Variants in CTNNA2 observed in about 807,000 individuals in gnomAD.
CTNNA2 encodes the protein catenin alpha 2, also known as catenin alpha-2.
In CTNNA2, 42 loss-of-function variants were observed where a neutral mutation model predicts 101.0. That is an observed-to-expected ratio of 0.42 (90% CI 0.32 to 0.54). The LOEUF (loss-of-function observed/expected upper bound fraction) is 0.54. CTNNA2 is among the 20% of genes least tolerant of loss of function. CTNNA2 has a pLI of 0.14. For missense variants in CTNNA2, 871 were observed against 1,223.1 expected, an observed-to-expected ratio of 0.71 and a Z score of 4.29; for synonymous variants, 450 against 456.4, an observed-to-expected ratio of 0.99 and a Z score of 0.18.
At chr2:79,597,837 T>C (rs1677301468) in intron 1 of CTNNA2, among the ~76,000 whole-genome samples, 1 of 152,160 alleles carries the variant, frequency 6.6e-6, no homozygotes, top group Non-Finnish European at 1.5e-5. Flanking sequence ...TGATGGTGTG[T>C]ATTCTATGTA....
At chr2:80,001,405 G>T (rs1368723742) in intron 7 of CTNNA2, among the ~76,000 whole-genome samples, 1 of 152,056 alleles carries the variant, frequency 6.6e-6, no homozygotes, top group Non-Finnish European at 1.5e-5. Context: ...TGTGGCCAAT[G>T]ATTTTGTACA....
chr2:80,645,039 G>GACTCAC (rs1182069246), intron 18 of CTNNA2, among the ~76,000 whole-genome samples: 1 of 152,090 alleles, frequency 6.6e-6, no homozygotes, highest in East Asian at 1.9e-4. Context: ...ATTCTCCCAA[G>GACTCAC]ACTCACTCTT....
At chr2:80,409,294 G>GT (rs1679347264) in intron 8 of CTNNA2, among the ~76,000 whole-genome samples, 1 of 151,088 alleles carries the variant, frequency 6.6e-6, no homozygotes, top group Non-Finnish European at 1.5e-5. Flanking sequence ...GAATCTTTAA[G>GT]TAATAAAAAA....
intron 9 of CTNNA2, among the ~76,000 whole-genome samples, chr2:80,477,394 T>C (rs1376686249): frequency 6.6e-6 from 1 of 152,154 alleles, no homozygotes; most frequent in Non-Finnish European, 1.5e-5. Flanking sequence ...TGGGTACAAG[T>C]CATTTTTCAT....
chr2:80,312,315 G>C (rs1330485007), intron 7 of CTNNA2, among the ~76,000 whole-genome samples: 1 of 152,142 alleles, frequency 6.6e-6, no homozygotes, highest in Non-Finnish European at 1.5e-5. Context: ...AATTCTGATG[G>C]GCTATTTAAA....
At chr2:79,254,917 G>A (rs1449471454) in intron 2 of CTNNA2, among the ~76,000 whole-genome samples, 2 of 152,196 alleles carry the variant, frequency 1.3e-5, no homozygotes, top group African/African-American at 2.4e-5. Flanking sequence ...TACCAGCCTA[G>A]TAGAGTAGGG....
At chr2:79,344,984 G>T (rs1370108473) in intron 3 of CTNNA2, among the ~76,000 whole-genome samples, 1 of 150,014 alleles carries the variant, frequency 6.7e-6, no homozygotes, top group Non-Finnish European at 1.5e-5. Flanking sequence ...TAAATCCTTT[G>T]TACTTGTAGT....
At chr2:80,033,457 C>T (rs1161796222) in intron 7 of CTNNA2, among the ~76,000 whole-genome samples, 2 of 151,984 alleles carry the variant, frequency 1.3e-5, no homozygotes, top group African/African-American at 2.4e-5. Flanking sequence ...CCTGTAGGCC[C>T]AGCTACTCAG....
chr2:80,117,257 A>C (rs1701576232), intron 7 of CTNNA2, among the ~76,000 whole-genome samples: 1 of 152,050 alleles, frequency 6.6e-6, no homozygotes, highest in Non-Finnish European at 1.5e-5. Flanking sequence ...TAACACTCAG[A>C]CTGTAGTTCT....
intron 15 of CTNNA2, 130 bp from the exon 16 acceptor site, chr2:80,603,944 T>C (rs1411264990): frequency 1.6e-6 from 1 of 626,692 alleles, no homozygotes; most frequent in African/African-American, 1.9e-5. Context: ...CAGGAAAATA[T>C]TCAAAATTCG....
At chr2:80,587,245 T>C (rs1162560984) in intron 14 of CTNNA2, among the ~76,000 whole-genome samples, 1 of 152,114 alleles carries the variant, frequency 6.6e-6, no homozygotes, top group Non-Finnish European at 1.5e-5. Context: ...TACATAAGCC[T>C]CAGCACAGTA....
rs572298384 is a variant in CTNNA2, at chr2:79,926,182, T to G, written c.1056+16385T>G. 7.9e-5 allele frequency among the ~76,000 whole-genome samples: 12 copies of G among 152,260 alleles called. No individual in the cohort carries two copies. In the East Asian group the frequency reaches 1.9e-3, roughly 25 times the overall value. ...CCTAAGTTTCTCAGCAGTTCCTGGT[T>G]AAATATTCTACTCCACAGGGTTTCC... On this transcript the variant is annotated intron_variant, in intron 7 of 18. Coordinates refer to ENST00000402739, the MANE Select transcript of CTNNA2 (RefSeq NM_001282597.3).
chr2:79,453,663 A>G (rs753697234), intron 4 of CTNNA2, among the ~76,000 whole-genome samples: 1 of 152,134 alleles, frequency 6.6e-6, no homozygotes, highest in Non-Finnish European at 1.5e-5. Context: ...CAGTATATAT[A>G]TATTTTTCAG....
chr2:79,820,191 A>G (rs1677892359), intron 3 of CTNNA2, among the ~76,000 whole-genome samples: 2 of 152,214 alleles, frequency 1.3e-5, no homozygotes, highest in Admixed American at 6.5e-5. Flanking sequence ...TGAAGGCTAT[A>G]TGGTTAATCA....
intron 4 of CTNNA2, among the ~76,000 whole-genome samples, chr2:79,398,423 G>A (rs1678254326): frequency 6.6e-6 from 1 of 152,208 alleles, no homozygotes; most frequent in South Asian, 2.1e-4. Flanking sequence ...CATGCCTATA[G>A]TCTACAGTGT....
At chr2:79,982,314 T>C (rs1347402421) in intron 7 of CTNNA2, among the ~76,000 whole-genome samples, 1 of 135,170 alleles carries the variant, frequency 7.4e-6, no homozygotes, top group African/African-American at 3.1e-5. Context: ...AAAACATATA[T>C]AACATATATA....
At chr2:79,571,192 T>C (rs1675439104) in intron 1 of CTNNA2, among the ~76,000 whole-genome samples, 1 of 152,186 alleles carries the variant, frequency 6.6e-6, no homozygotes, top group South Asian at 2.1e-4. Context: ...GAAATGGGCC[T>C]GTTTTCCATT....
chr2:79,432,300 C>T (rs906567111), intron 4 of CTNNA2, among the ~76,000 whole-genome samples: 3 of 151,990 alleles, frequency 2.0e-5, no homozygotes, highest in Non-Finnish European at 2.9e-5. Context: ...AACATGGTAA[C>T]TCCAAGCAGT....
intron 7 of CTNNA2, among the ~76,000 whole-genome samples, chr2:80,361,329 T>G (rs1343058498): frequency 6.6e-6 from 1 of 152,160 alleles, no homozygotes; most frequent in Non-Finnish European, 1.5e-5. Context: ...CTTTACTTGT[T>G]CCTCACTTGG....
Sources: gnomAD v4.1 joint callset for allele counts (sites outside exome capture counted in the v4.1 genomes callset) on GRCh38, gnomAD v4.1.1 for gene constraint, MANE v1.5 for transcripts, NCBI Gene and HGNC (gene_info 2026-07-23, HGNC 2026-07-21) for gene names.